PAPSS1: variants seen among roughly 807,000 people sequenced by gnomAD.
PAPSS1 encodes bifunctional 3'-phosphoadenosine 5'-phosphosulfate synthase 1.
In PAPSS1, 50 loss-of-function variants were observed where a neutral mutation model predicts 72.0. That is an observed-to-expected ratio of 0.69 (90% CI 0.55 to 0.88). The LOEUF (loss-of-function observed/expected upper bound fraction) is 0.88, where lower values mean the gene tolerates loss of function less well. Among genes scored for constraint, PAPSS1 ranks in the 40% least tolerant of loss-of-function variants. The pLI, the probability that PAPSS1 is intolerant of heterozygous loss-of-function variation, is 0.00. For synonymous variants in PAPSS1, 261 were observed against 263.6 expected, an observed-to-expected ratio of 0.99 and a Z score of 0.09; for missense variants, 657 against 782.2, an observed-to-expected ratio of 0.84 and a Z score of 1.91.
Position 107,693,823 on chromosome 4 carries a change from A to T in PAPSS1, c.359T>A (p.Phe120Tyr). The change falls in exon 3 of 12, where the codon TTT becomes TAT. Residue 120 changes from phenylalanine (F) to tyrosine (Y), a missense_variant. Physicochemically the swap from Phe to Tyr is conservative, Grantham distance 22 (BLOSUM62 3). Coordinates refer to ENST00000265174, the MANE Select transcript of PAPSS1 (RefSeq NM_005443.5). ...VRRIAEVAKLFADAGLVCITS... is the reference protein window; with the variant it reads ...VRRIAEVAKLYADAGLVCITS... ...GATGCACACTAAGCCAGCATCTGCAAACAGTTTAGCAACTTCTGCGATGCG... is the reference window on the plus strand; with the variant it reads ...GATGCACACTAAGCCAGCATCTGCATACAGTTTAGCAACTTCTGCGATGCG... 1 of 1,613,968 alleles carries T rather than the reference A, an allele frequency of 6.2e-7. No homozygotes were observed. Among genetic ancestry groups the T allele is most frequent in the Non-Finnish European group, 8.5e-7 (1 of 1,179,878 alleles).
At chr4:107,673,917 T>G (rs1727567155) in intron 5 of PAPSS1, among the ~76,000 whole-genome samples, 1 of 152,206 alleles carries the variant, frequency 6.6e-6, no homozygotes. Context: ...AAAAGAATTT[T>G]CAACTCAGAA....
chr4:107,628,302 G>A lies in PAPSS1; in HGVS notation c.1736+3329C>T, dbSNP rs191257554. Among the ~76,000 whole-genome samples the A allele has an allele frequency of 7.2e-5, 11 of 152,278 alleles. No homozygotes were observed. In the East Asian group the frequency reaches 2.1e-3, roughly 29 times the overall value. The stretch of plus-strand genomic sequence containing the variant: ...GGTAATAATAGTATTTCTTTCTCCA[G>A]ACAACTTATCATTTATTTCAAATAA... On this transcript the variant is annotated intron_variant, in intron 11 of 11. Coordinates refer to ENST00000265174, the MANE Select transcript of PAPSS1 (RefSeq NM_005443.5).
At chr4:107,672,463 C>T (rs950849245) in intron 5 of PAPSS1, among the ~76,000 whole-genome samples, 2 of 152,190 alleles carry the variant, frequency 1.3e-5, no homozygotes, top group African/African-American at 4.8e-5. Context: ...CGGAGCCTCG[C>T]TCATTGCTAG....
chr4:107,693,150 GA>G lies in PAPSS1; in HGVS notation c.411+620del, dbSNP rs1722980891. On this transcript the variant is annotated intron_variant, in intron 3 of 11. Transcript: ENST00000265174. ...CCCTGATCTTAAAATAAAAGTTGAAGAAAATAAAATAATGTGTTAAGGTACC... is the reference window on the plus strand; with the variant it reads ...CCCTGATCTTAAAATAAAAGTTGAAGAAATAAAATAATGTGTTAAGGTACC... Among the ~76,000 whole-genome samples the G allele has an allele frequency of 1.3e-5, 2 of 152,004 alleles. 1 individual carries two copies. Among genetic ancestry groups the G allele is most frequent in the South Asian group, 4.1e-4 (2 of 4,820 alleles).
At chr4:107,683,116 T>C (rs1173123029) in intron 4 of PAPSS1, among the ~76,000 whole-genome samples, 1 of 152,176 alleles carries the variant, frequency 6.6e-6, no homozygotes, top group South Asian at 2.1e-4. Flanking sequence ...TCAAGGCTTG[T>C]CTATCTCGGA....
intron 1 of PAPSS1, among the ~76,000 whole-genome samples, chr4:107,717,982 C>T (rs1215131743): frequency 1.3e-5 from 2 of 152,242 alleles, no homozygotes; most frequent in Non-Finnish European, 2.9e-5. Flanking sequence ...ATGTGCCAGG[C>T]AGGCTTCAAA....
At chr4:107,719,855 G>A (rs2125946679) in intron 1 of PAPSS1, 3 of 1,338,812 alleles carry the variant, frequency 2.2e-6, no homozygotes, top group Non-Finnish European at 2.9e-6. Context: ...GAGCGGAGGC[G>A]CTGGGGAGGG....
At chr4:107,719,033 C>T (rs1397014231) in intron 1 of PAPSS1, among the ~76,000 whole-genome samples, 1 of 152,204 alleles carries the variant, frequency 6.6e-6, no homozygotes, top group Admixed American at 6.5e-5. Context: ...GCGCTCTTTC[C>T]ACTGTTCTAA....
intron 9 of PAPSS1, among the ~76,000 whole-genome samples, chr4:107,648,436 T>A (rs1220728746): frequency 6.6e-6 from 1 of 152,174 alleles, no homozygotes; most frequent in Non-Finnish European, 1.5e-5. Flanking sequence ...AATGAGGTGA[T>A]AAGCAGGGCA....
chr4:107,701,148 T>G, intron 2 of PAPSS1, 23 bp downstream of exon 2: 2 of 1,519,590 alleles, frequency 1.3e-6, no homozygotes, highest in Non-Finnish European at 1.8e-6. Flanking sequence ...TAAAATAAAC[T>G]GCTTTCTCTC....
chr4:107,635,025 C>T (rs568087863), intron 10 of PAPSS1, among the ~76,000 whole-genome samples: 2 of 152,140 alleles, frequency 1.3e-5, no homozygotes, highest in African/African-American at 2.4e-5. Flanking sequence ...GTCTCGATCT[C>T]CTGACCTTGT....
rs905179420 is a variant in PAPSS1, at chr4:107,615,357, C to G, written c.1737-970G>C. Among the ~76,000 whole-genome samples, 11 of 152,258 alleles carry G rather than the reference C, an allele frequency of 7.2e-5. No individual in the cohort carries two copies. The South Asian group carries it at 1.0e-3, about 14-fold the overall frequency. ...GTCGCTCAGGTCACCAGATCACGAG[C>G]CTGTTTACTTCTAGTTGGCAGTTCT... On this transcript the variant is annotated intron_variant, in intron 11 of 11. Transcript: ENST00000265174.
chr4:107,713,982 C>T (rs1390332357), intron 1 of PAPSS1, among the ~76,000 whole-genome samples: 1 of 152,072 alleles, frequency 6.6e-6, no homozygotes. Flanking sequence ...GTCACAGAAA[C>T]GATTACCACC....
intron 11 of PAPSS1, among the ~76,000 whole-genome samples, chr4:107,626,415 A>G (rs1726099573): frequency 6.6e-6 from 1 of 152,184 alleles, no homozygotes; most frequent in African/African-American, 2.4e-5. Flanking sequence ...ACAGAGGGGA[A>G]AAAATACAAA....
At chr4:107,627,016 A>T (rs938896083) in intron 11 of PAPSS1, among the ~76,000 whole-genome samples, 1 of 152,210 alleles carries the variant, frequency 6.6e-6, no homozygotes, top group Middle Eastern at 3.2e-3. Context: ...GTAATTATTT[A>T]GCTTTTGAAT....
intron 5 of PAPSS1, among the ~76,000 whole-genome samples, chr4:107,663,846 T>C (rs929143024): frequency 4.6e-5 from 7 of 152,216 alleles, no homozygotes; most frequent in African/African-American, 1.7e-4. Flanking sequence ...CAAGGTCATA[T>C]AGTTGAGAAG....
chr4:107,684,950 G>A (rs1370908970), intron 4 of PAPSS1, among the ~76,000 whole-genome samples: 2 of 151,938 alleles, frequency 1.3e-5, no homozygotes, highest in Non-Finnish European at 2.9e-5. Context: ...CTGTCGCCCA[G>A]GCTAGAGTGC....
At chr4:107,704,757 C>A (rs1457965187) in intron 1 of PAPSS1, among the ~76,000 whole-genome samples, 1 of 152,036 alleles carries the variant, frequency 6.6e-6, no homozygotes, top group Non-Finnish European at 1.5e-5. Context: ...TTGAGACCAG[C>A]CAGGCCAATG....
chr4:107,631,597 C>T, intron 11 of PAPSS1, 34 bp downstream of exon 11: 1 of 1,481,990 alleles, frequency 6.7e-7, no homozygotes, highest in Admixed American at 1.8e-5. Context: ...CCACGAAGTA[C>T]TTCAAAGATT....
Sources: gnomAD v4.1 joint callset for allele counts (sites outside exome capture counted in the v4.1 genomes callset) on GRCh38, gnomAD v4.1.1 for gene constraint, MANE v1.5 for transcripts, NCBI Gene and HGNC (gene_info 2026-07-23, HGNC 2026-07-21) for gene names.